The following ZNF883 variants were observed in gnomAD, a reference collection of about 807,000 sequenced individuals.
The protein encoded by ZNF883 is zinc finger protein 883.
At chr9:112,988,894 GT>G (rs141973210) in intron 1 of ZNF883, among the ~76,000 whole-genome samples, 1 of 151,060 alleles carries the variant, frequency 6.6e-6, no homozygotes, top group African/African-American at 2.4e-5. Context: ...AGTGATGTTG[GT>G]TTTTTTTTCA....
chr9:113,003,133 C>T (rs1828442427), upstream of ZNF883, among the ~76,000 whole-genome samples: 1 of 152,122 alleles, frequency 6.6e-6, no homozygotes, highest in South Asian at 2.1e-4. Flanking sequence ...TGGAATTGTC[C>T]CCACACGTCA....
At chr9:112,992,790 A>G (rs1207183438), downstream of ZNF883, among the ~76,000 whole-genome samples, 1 of 151,902 alleles carries the variant, frequency 6.6e-6, no homozygotes. Flanking sequence ...TTTTTTCTCT[A>G]ATCTTGTCTG....
chr9:112,997,141 T>C (rs774651731), exon 1 of ZNF883: 5 of 1,605,836 alleles, frequency 3.1e-6, no homozygotes, highest in Admixed American at 1.7e-5. Context: ...AGGTTTCCTT[T>C]CTGAAATGAG....
downstream of ZNF883, among the ~76,000 whole-genome samples, chr9:112,994,516 T>A (rs1828330338): frequency 6.6e-6 from 1 of 152,180 alleles, no homozygotes; most frequent in Non-Finnish European, 1.5e-5. Context: ...CCATTTATAT[T>A]GTGATTCAAT....
chr9:112,999,300 C>T (rs2118612572), upstream of ZNF883, among the ~76,000 whole-genome samples: 1 of 152,290 alleles, frequency 6.6e-6, no homozygotes. Flanking sequence ...TCTCTACTCA[C>T]AACATTTCTG....
chr9:113,002,779 G>A (rs896954100), upstream of ZNF883, among the ~76,000 whole-genome samples: 3 of 152,180 alleles, frequency 2.0e-5, no homozygotes, highest in Non-Finnish European at 4.4e-5. Context: ...ATATTAAGAG[G>A]TGGAGGCCTT....
At chr9:112,998,183 G>C in exon 1 of ZNF883, 1 of 1,613,852 alleles carries the variant, frequency 6.2e-7, no homozygotes. Flanking sequence ...GGTCAGGGAT[G>C]CAAGACAAGT....
downstream of ZNF883, among the ~76,000 whole-genome samples, chr9:112,995,018 T>C (rs779641664): frequency 7.9e-5 from 12 of 152,202 alleles, no homozygotes; most frequent in Non-Finnish European, 1.6e-4. Context: ...CCCATCATGG[T>C]TAATTTTATG....
downstream of ZNF883, among the ~76,000 whole-genome samples, chr9:112,995,746 A>G (rs1828347257): frequency 6.6e-6 from 1 of 152,154 alleles, no homozygotes; most frequent in Non-Finnish European, 1.5e-5. Context: ...CTATTTTTGA[A>G]ATAGTCTAGA....
downstream of ZNF883, among the ~76,000 whole-genome samples, chr9:112,996,790 C>CAAAAA (rs61714600): frequency 2.9e-4 from 15 of 52,098 alleles, no homozygotes; most frequent in South Asian, 9.6e-4. Flanking sequence ...GACTCCGTCT[C>CAAAAA]AAAAAAAAAA....
At chr9:112,989,552 T>A (rs933869873) in intron 1 of ZNF883, among the ~76,000 whole-genome samples, 3 of 152,202 alleles carry the variant, frequency 2.0e-5, no homozygotes, top group Non-Finnish European at 4.4e-5. Context: ...AGTTGGGTAG[T>A]GTGATGCCTC....
chr9:113,000,116 A>C (rs1783437881), upstream of ZNF883, among the ~76,000 whole-genome samples: 1 of 152,230 alleles, frequency 6.6e-6, no homozygotes, highest in South Asian at 2.1e-4. Flanking sequence ...GGAAACAAAG[A>C]CCAGATATGT....
At chr9:112,992,404 T>C (rs1009366789), downstream of ZNF883, among the ~76,000 whole-genome samples, 1 of 152,194 alleles carries the variant, frequency 6.6e-6, no homozygotes, top group Non-Finnish European at 1.5e-5. Flanking sequence ...ATGTTGAATA[T>C]TGGCCTCCTC....
At chr9:112,997,142 CTGAAA>C in exon 1 of ZNF883, 1 of 1,606,094 alleles carries the variant, frequency 6.2e-7, no homozygotes, top group South Asian at 1.1e-5. Flanking sequence ...GGTTTCCTTT[CTGAAA>C]TGAGTTTTCT....
chr9:113,005,928 T>C (rs969034104), intron 2 of ZNF883, among the ~76,000 whole-genome samples: 8 of 152,004 alleles, frequency 5.3e-5, no homozygotes, highest in African/African-American at 1.9e-4. Context: ...AATTCTGTAG[T>C]CTTTGTATCT....
At chr9:113,002,882 T>C (rs184604749), upstream of ZNF883, among the ~76,000 whole-genome samples, 1 of 152,314 alleles carries the variant, frequency 6.6e-6, no homozygotes, top group Non-Finnish European at 1.5e-5. Flanking sequence ...TTCCCTTCCA[T>C]GTTTTCTGCC....
chr9:112,996,790 C>A (rs535014181), downstream of ZNF883, among the ~76,000 whole-genome samples: 5 of 52,092 alleles, frequency 9.6e-5, no homozygotes, highest in Non-Finnish European at 1.1e-4. Flanking sequence ...GACTCCGTCT[C>A]AAAAAAAAAA....
chr9:112,989,455 A>C (rs978890038), intron 1 of ZNF883, among the ~76,000 whole-genome samples: 2 of 151,890 alleles, frequency 1.3e-5, no homozygotes, highest in Non-Finnish European at 2.9e-5. Context: ...TATTTCTGAG[A>C]TCTCTATTCT....
upstream of ZNF883, among the ~76,000 whole-genome samples, chr9:113,002,881 A>G (rs1482195049): frequency 5.3e-5 from 8 of 152,268 alleles, no homozygotes; most frequent in East Asian, 1.3e-3. Flanking sequence ...GTTCCCTTCC[A>G]TGTTTTCTGC....
Sources: gnomAD v4.1 joint callset for allele counts (sites outside exome capture counted in the v4.1 genomes callset) on GRCh38, gnomAD v4.1.1 for gene constraint, MANE v1.5 for transcripts, NCBI Gene and HGNC (gene_info 2026-07-23, HGNC 2026-07-21) for gene names.